The following CUL2 variants were observed in gnomAD, a reference collection of about 807,000 sequenced individuals.
CUL2 encodes the protein cullin-2.
CUL2 carries 22 observed loss-of-function variants against 110.2 expected under a neutral mutation model. The ratio of observed to expected loss-of-function variants is 0.20; its 90% CI spans 0.14 to 0.28. The LOEUF (loss-of-function observed/expected upper bound fraction) is 0.28, where lower values mean the gene tolerates loss of function less well. CUL2 is among the 10% of genes least tolerant of loss of function. The pLI is 1.00. For synonymous variants in CUL2, 279 were observed against 293.2 expected (o/e 0.95, Z 0.49); for missense variants, 631 against 905.5 (o/e 0.70, Z 3.89).
At chr10:35,097,596 T>C (rs2087317492) in intron 2 of CUL2, among the ~76,000 whole-genome samples, 1 of 151,890 alleles carries the variant, frequency 6.6e-6, no homozygotes, top group Non-Finnish European at 1.5e-5. Context: ...CATGATGTGC[T>C]GAGAATGGCA....
intron 1 of CUL2, among the ~76,000 whole-genome samples, chr10:35,071,643 C>T (rs899962105): frequency 2.6e-5 from 4 of 152,152 alleles, no homozygotes; most frequent in Non-Finnish European, 5.9e-5. Context: ...CTCCTGACCT[C>T]GTGATCCGCC....
At chr10:35,045,555 A>AAC (rs1554858699) in intron 6 of CUL2, among the ~76,000 whole-genome samples, 12 of 150,814 alleles carry the variant, frequency 8.0e-5, no homozygotes, top group Admixed American at 2.0e-4. Flanking sequence ...CAAAAAAAAA[A>AAC]AAAAAACAAC....
intron 19 of CUL2, 21 bp downstream of exon 19, chr10:35,013,678 C>G (rs1382198957): frequency 6.8e-7 from 1 of 1,480,800 alleles, no homozygotes. Context: ...TCAAAAAAAA[C>G]TTGACATTAA....
chr10:35,023,887 T>G, intron 17 of CUL2, among the ~76,000 whole-genome samples: 1 of 152,164 alleles, frequency 6.6e-6, no homozygotes, highest in East Asian at 1.9e-4. Flanking sequence ...CAGGCTGGAG[T>G]GCAGTGGCAC....
intron 9 of CUL2, among the ~76,000 whole-genome samples, chr10:35,037,581 C>T (rs948300768): frequency 6.6e-6 from 1 of 152,260 alleles, no homozygotes; most frequent in East Asian, 1.9e-4. Flanking sequence ...GGTGGTGGCT[C>T]GTGTCTATAA....
chr10:35,033,756 CAAAAA>C (rs66943310), intron 10 of CUL2, among the ~76,000 whole-genome samples: 1 of 134,628 alleles, frequency 7.4e-6, no homozygotes. Context: ...ACAACAACAA[CAAAAA>C]AAAAAAAAAA....
intron 2 of CUL2, among the ~76,000 whole-genome samples, chr10:35,065,794 G>T (rs1355697691): frequency 6.6e-6 from 1 of 151,730 alleles, no homozygotes; most frequent in Admixed American, 6.6e-5. Flanking sequence ...AGGAGGCGGA[G>T]GTTGCAGTGA....
chr10:35,060,658 T>C (rs1252694010), intron 4 of CUL2, among the ~76,000 whole-genome samples: 1 of 152,232 alleles, frequency 6.6e-6, no homozygotes, highest in East Asian at 1.9e-4. Context: ...AGTACAGTTT[T>C]ACTTTTCACA....
At chr10:35,113,583 C>T (rs982978733) in intron 1 of CUL2, among the ~76,000 whole-genome samples, 3 of 145,580 alleles carry the variant, frequency 2.1e-5, no homozygotes, top group South Asian at 2.2e-4. Context: ...CTGGCATCTA[C>T]GAAAAATTAC....
At chr10:35,087,128 A>G (rs1037295541) in intron 1 of CUL2, among the ~76,000 whole-genome samples, 4 of 152,176 alleles carry the variant, frequency 2.6e-5, no homozygotes, top group Non-Finnish European at 5.9e-5. Context: ...GCAGTGGTGC[A>G]ATCACAGATC....
intron 1 of CUL2, 71 bp from the exon 2 acceptor site, chr10:35,071,410 G>T: frequency 7.1e-7 from 1 of 1,401,018 alleles, no homozygotes; most frequent in Non-Finnish European, 9.9e-7. Flanking sequence ...GTTGTTTTTT[G>T]TTTGTTTGCT....
intron 1 of CUL2, among the ~76,000 whole-genome samples, chr10:35,086,577 G>A (rs995392882): frequency 2.0e-5 from 3 of 151,968 alleles, no homozygotes; most frequent in African/African-American, 4.8e-5. Context: ...CTGAGCCACC[G>A]TACGTGGCCG....
intron 1 of CUL2, among the ~76,000 whole-genome samples, chr10:35,122,098 A>G (rs2087684751): frequency 6.6e-6 from 1 of 152,238 alleles, no homozygotes; most frequent in African/African-American, 2.4e-5. Flanking sequence ...GACATCATAA[A>G]TCAAGCACAT....
intron 4 of CUL2, 37 bp downstream of exon 4, chr10:35,060,837 G>A (rs1389305631): frequency 2.0e-6 from 3 of 1,535,978 alleles, no homozygotes; most frequent in Non-Finnish European, 2.7e-6. Context: ...TGCAGGCAAC[G>A]CTGCTTAGCT....
intron 11 of CUL2, among the ~76,000 whole-genome samples, chr10:35,032,913 A>G (rs2085513804): frequency 6.6e-6 from 1 of 152,200 alleles, no homozygotes; most frequent in African/African-American, 2.4e-5. Flanking sequence ...AAAATTATGC[A>G]TGTCTATCCA....
At chr10:35,112,785 A>G (rs1388537513) in intron 1 of CUL2, among the ~76,000 whole-genome samples, 1 of 152,238 alleles carries the variant, frequency 6.6e-6, no homozygotes, top group Non-Finnish European at 1.5e-5. Context: ...TTGTTGCCTG[A>G]GTTGTGAAAT....
chr10:35,065,002 A>G (rs1487271600), intron 2 of CUL2, among the ~76,000 whole-genome samples: 1 of 152,178 alleles, frequency 6.6e-6, no homozygotes, highest in Non-Finnish European at 1.5e-5. Flanking sequence ...CAGAATATAC[A>G]TATTTTTTTA....
At chr10:35,052,294 T>G (rs1224905266) in intron 5 of CUL2, among the ~76,000 whole-genome samples, 1 of 152,130 alleles carries the variant, frequency 6.6e-6, no homozygotes, top group Non-Finnish European at 1.5e-5. Flanking sequence ...AGGCAATACA[T>G]GAAAAACTGG....
At position 35,031,600 on chromosome 10, in the gene CUL2, T is replaced by C. The variant is rs201586230; in HGVS notation, c.1190A>G (p.Asn397Ser). 1.3e-5 allele frequency: 21 copies of C among 1,614,148 alleles called. No homozygotes were observed. Among genetic ancestry groups the C allele is most frequent in the Middle Eastern group, 1.6e-4 (1 of 6,062 alleles). ...CCCTTTCGCTGACTTCTTCAGTAAG[T>C]TGTCACAGTACTTAGCAAGCTCATG... ...APELLAKYCD[N>S]LLKKSAKGMT... Residue 397 changes from asparagine (N) to serine (S), a missense_variant, in exon 13 of 21, where the codon AAC becomes AGC. This residue lies in a region of CUL2 where 134 missense variants were observed against 260.4 expected (regional missense o/e 0.51). Transcript: ENST00000374749. This position sits in a 1 kb window ranked among gnomAD's most constrained non-coding sequence, Gnocchi z 4.4.
Sources: allele counts gnomAD v4.1 joint callset (sites outside exome capture counted in the v4.1 genomes callset), GRCh38; gene constraint gnomAD v4.1.1; regional missense constraint gnomAD v4.1.1; non-coding constraint Gnocchi (gnomAD v3.1); transcripts MANE v1.5; gene names NCBI Gene and HGNC (gene_info 2026-07-23, HGNC 2026-07-21).